FAM163A: variants seen among roughly 807,000 people sequenced by gnomAD.
FAM163A encodes the protein protein FAM163A.
A neutral mutation model predicts 12.0 loss-of-function variants in FAM163A; 7 were observed. The ratio of observed to expected loss-of-function variants is 0.58; its 90% CI spans 0.33 to 1.10. FAM163A has a LOEUF of 1.10. Ranked by LOEUF, FAM163A falls within the 50% of genes least tolerant of loss-of-function variation. The pLI, the probability that FAM163A is intolerant of heterozygous loss-of-function variation, is 0.03. For missense variants in FAM163A, 202 were observed against 218.6 expected (o/e 0.92, Z 0.48); for synonymous variants, 101 against 91.0 (o/e 1.11, Z -0.62).
rs1273970601 is a variant in FAM163A at position 179,815,109 on chromosome 1, G to GCGCGCACACACACACA, written c.*921_*922insGCGCACACACACACAC. The GCGCGCACACACACACA allele has an allele frequency of 1.6e-4, 11 of 67,236 alleles. No homozygotes were observed. The highest frequency in any genetic ancestry group is 7.0e-4 in the African/African-American group (11 of 15,782). 4.2% of individuals were successfully genotyped at this position (67,236 alleles called of 1,614,324 possible). A position where few individuals can be genotyped will look rare whatever the true frequency, so the allele number is the denominator to read the frequency against. ...CAGGTGTACGCACGCGCGCGCGCGC[G>GCGCGCACACACACACA]CACAGACACACACACACACACACAC... is the stretch of plus-strand genomic sequence containing the variant. On this transcript the variant is annotated 3_prime_UTR_variant, in exon 5 of 5. Transcript: ENST00000341785.
Position 179,752,236 on chromosome 1 carries a change from G to T in FAM163A, c.-136+8813G>T, listed in dbSNP as rs190649257. Among the ~76,000 whole-genome samples the T allele has an allele frequency of 3.2e-3, 482 of 152,142 alleles. 2 individuals are homozygous for T. The highest frequency in any genetic ancestry group is 4.6e-3 in the Non-Finnish European group (311 of 67,980). On this transcript the variant is annotated intron_variant, in intron 1 of 4. Coordinates refer to ENST00000341785, the MANE Select transcript of FAM163A (RefSeq NM_173509.3). ...TCAACAAATAGTGTTAGCAAAACTG[G>T]ATATCCCCATACAAAAGAATAAAAT...
the FAM163A span, among the ~76,000 whole-genome samples, chr1:179,735,495 C>CTTTT: frequency 0.026 from 1,592 of 62,146 alleles, 484 homozygotes; most frequent in African/African-American, 0.1. Context: ...GAGTTACATT[C>CTTTT]TTTTTTTTTT....
rs5779040 is a variant in FAM163A at position 179,815,114 on chromosome 1, G to GAC, written c.*961_*962dup. The GAC allele has an allele frequency of 4.8e-3, 623 of 129,964 alleles. 4 individuals are homozygous for GAC. Among genetic ancestry groups the GAC allele is most frequent in the South Asian group, 8.4e-3 (37 of 4,388 alleles). 8.1% of individuals were successfully genotyped at this position (129,964 alleles called of 1,614,324 possible). On this transcript the variant is annotated 3_prime_UTR_variant, in exon 5 of 5. Transcript: ENST00000341785. The stretch of plus-strand genomic sequence containing the variant: ...GTACGCACGCGCGCGCGCGCGCACA[G>GAC]ACACACACACACACACACACACACA...
At chr1:179,744,322 A>AG (rs994132733) in intron 1 of FAM163A, among the ~76,000 whole-genome samples, 1 of 151,944 alleles carries the variant, frequency 6.6e-6, no homozygotes, top group African/African-American at 2.4e-5. Context: ...CGCGGCCCAG[A>AG]GGGGGGCCTG....
chr1:179,767,861 G>A (rs1243224398), intron 1 of FAM163A, among the ~76,000 whole-genome samples: 1 of 152,128 alleles, frequency 6.6e-6, no homozygotes, highest in Non-Finnish European at 1.5e-5. Context: ...GTTAAAAAAA[G>A]CACACAACAA....
At chr1:179,739,352 A>G (rs748368170), upstream of FAM163A, among the ~76,000 whole-genome samples, 2 of 152,224 alleles carry the variant, frequency 1.3e-5, no homozygotes, top group Non-Finnish European at 2.9e-5. Flanking sequence ...TACAAAGTGC[A>G]TGTAAAGAGG....
chr1:179,785,173 C>G (rs952659705), intron 1 of FAM163A, among the ~76,000 whole-genome samples: 1 of 152,194 alleles, frequency 6.6e-6, no homozygotes, highest in South Asian at 2.1e-4. Context: ...CTCCCACCCC[C>G]CATTCCTCAC....
intron 2 of FAM163A, among the ~76,000 whole-genome samples, chr1:179,809,911 C>A (rs987638366): frequency 3.9e-5 from 6 of 152,308 alleles, no homozygotes; most frequent in African/African-American, 1.2e-4. Flanking sequence ...ACCCCTGAAG[C>A]ATGGCCCGCC....
upstream of FAM163A, chr1:179,742,438 C>T (rs754138738): frequency 6.6e-6 from 1 of 152,326 alleles, no homozygotes; most frequent in African/African-American, 2.4e-5. Context: ...TGACCCCACC[C>T]CTCTGTCCTC....
rs1305006634 is a variant in FAM163A at position 179,815,750 on chromosome 1, C to A, written c.*1561C>A. ...GTGGGGCAGGGAAAGGGCTGGCCCC[C>A]CTGCTGAAATCTTGATTCTGCATTT... is the stretch of plus-strand genomic sequence containing the variant. On this transcript the variant is annotated 3_prime_UTR_variant, in exon 5 of 5. Coordinates refer to ENST00000341785, the MANE Select transcript of FAM163A (RefSeq NM_173509.3). 1.3e-5 allele frequency: 2 copies of A among 152,336 alleles called. No individual in the cohort carries two copies. The allele number at this position is 152,336 out of a possible 1,614,324, so 9.4% of individuals were successfully genotyped here.
intron 1 of FAM163A, among the ~76,000 whole-genome samples, chr1:179,773,214 G>C (rs2148126643): frequency 6.6e-6 from 1 of 152,192 alleles, no homozygotes; most frequent in Non-Finnish European, 1.5e-5. Context: ...GGTGGGTAGA[G>C]AAGGAAGTGA....
intron 2 of FAM163A, 147 bp from the exon 3 acceptor site, chr1:179,811,963 G>A (rs577403830): frequency 6.5e-6 from 1 of 152,710 alleles, no homozygotes; most frequent in African/African-American, 2.4e-5. Flanking sequence ...TGGAGACCTG[G>A]ACTTGGGGTC....
At chr1:179,812,654 T>G (rs1694855838) in intron 3 of FAM163A, among the ~76,000 whole-genome samples, 1 of 152,090 alleles carries the variant, frequency 6.6e-6, no homozygotes, top group African/African-American at 2.4e-5. Context: ...GCGGTAGGGA[T>G]AGCTAATAAC....
the FAM163A span, among the ~76,000 whole-genome samples, chr1:179,736,674 G>A: frequency 1.4e-4 from 22 of 152,028 alleles, no homozygotes; most frequent in African/African-American, 5.3e-4. Flanking sequence ...TTAGCCAGGC[G>A]CGGTGGCAGC....
At chr1:179,756,852 A>T (rs780474180) in intron 1 of FAM163A, among the ~76,000 whole-genome samples, 58 of 152,318 alleles carry the variant, frequency 3.8e-4, no homozygotes, top group Non-Finnish European at 8.2e-4. Flanking sequence ...ACAAGTTTCC[A>T]GTAGGAGTGT....
At chr1:179,747,777 G>A (rs879488856) in intron 1 of FAM163A, among the ~76,000 whole-genome samples, 14 of 152,178 alleles carry the variant, frequency 9.2e-5, no homozygotes, top group Non-Finnish European at 1.9e-4. Flanking sequence ...ATGCTTTGAT[G>A]GATCAGTTGA....
chr1:179,775,733 A>G (rs1443123264), intron 1 of FAM163A, among the ~76,000 whole-genome samples: 5 of 152,226 alleles, frequency 3.3e-5, no homozygotes, highest in Non-Finnish European at 7.3e-5. Context: ...TGGATGAAAA[A>G]ATAAAAGAAT....
At chr1:179,748,666 G>A (rs1684850907) in intron 1 of FAM163A, among the ~76,000 whole-genome samples, 1 of 152,182 alleles carries the variant, frequency 6.6e-6, no homozygotes, top group South Asian at 2.1e-4. Flanking sequence ...GGTGCACAGG[G>A]CTAAAGTGAA....
At chr1:179,735,363 T>TGTATTCA in the FAM163A span, among the ~76,000 whole-genome samples, 1 of 152,144 alleles carries the variant, frequency 6.6e-6, no homozygotes. Flanking sequence ...AAATGAGCCT[T>TGTATTCA]GTATTCAGTG....
Sources: allele counts gnomAD v4.1 joint callset (sites outside exome capture counted in the v4.1 genomes callset), GRCh38; gene constraint gnomAD v4.1.1; transcripts MANE v1.5; gene names NCBI Gene and HGNC (gene_info 2026-07-23, HGNC 2026-07-21).